The following METTL15 variants were observed in gnomAD, a reference collection of about 807,000 sequenced individuals.
METTL15 encodes the protein 12S rRNA N(4)-cytidine methyltransferase METTL15.
Under a neutral mutation model 38.3 loss-of-function variants are expected in METTL15, and 34 were observed. The ratio of observed to expected loss-of-function variants is 0.89; its 90% CI spans 0.68 to 1.18. The LOEUF is 1.18. Among genes scored for constraint, METTL15 ranks in the 50% most tolerant of loss-of-function variants. The probability of loss-of-function intolerance (pLI) is 0.00; values close to 1 mark genes in which losing one functional copy is unlikely to be tolerated. For missense variants in METTL15, 438 were observed against 498.4 expected (o/e 0.88, Z 1.15); for synonymous variants, 162 against 170.9 (o/e 0.95, Z 0.41).
intron 6 of METTL15, among the ~76,000 whole-genome samples, chr11:28,305,646 A>G (rs1857057752): frequency 1.3e-5 from 2 of 152,120 alleles, no homozygotes; most frequent in African/African-American, 2.4e-5. Context: ...GAGAATGCTG[A>G]CAGCTCAGTC....
At chr11:28,248,777 T>C (rs192087206) in intron 4 of METTL15, among the ~76,000 whole-genome samples, 2 of 152,164 alleles carry the variant, frequency 1.3e-5, no homozygotes, top group Admixed American at 1.3e-4. Context: ...CAATAAACTT[T>C]TGTGATAGGT....
In METTL15 at chr11:28,424,338, C is replaced by A. The variant is rs142345505; in HGVS notation, c.*398C>A. ...TCGGAAAAAGATCTAAAAGCATCAC[C>A]TTTTGCTTTGTCTGCTGGTGCTTAA... On this transcript the variant is annotated 3_prime_UTR_variant and NMD_transcript_variant, in exon 6 of 8. Coordinates refer to the METTL15 transcript ENST00000532947. 3.0e-3 allele frequency: 464 copies of A among 152,204 alleles called. 5 individuals are homozygous for A. The highest frequency in any genetic ancestry group is 0.011 in the African/African-American group (448 of 41,526). The allele number at this position is 152,204 out of a possible 1,614,324, so 9.4% of individuals were successfully genotyped here.
At chr11:28,379,010 A>G (rs1433158312) in intron 5 of METTL15, among the ~76,000 whole-genome samples, 1 of 151,856 alleles carries the variant, frequency 6.6e-6, no homozygotes, top group African/African-American at 2.4e-5. Flanking sequence ...ATTAGCACAT[A>G]ATTGTTCATA....
intron 3 of METTL15, chr11:28,134,657 G>C (rs532428135): frequency 6.8e-5 from 27 of 398,326 alleles, no homozygotes; most frequent in African/African-American, 5.1e-4. Flanking sequence ...TCAGTTTAAG[G>C]GTCCTGGGAA....
intron 3 of METTL15, among the ~76,000 whole-genome samples, chr11:28,209,568 A>G (rs886780411): frequency 1.3e-5 from 2 of 152,082 alleles, no homozygotes; most frequent in Admixed American, 6.6e-5. Context: ...ATTTGTGTTA[A>G]AAAGCATTGC....
At chr11:28,382,896 T>C (rs1198261321) in intron 5 of METTL15, among the ~76,000 whole-genome samples, 2 of 151,804 alleles carry the variant, frequency 1.3e-5, no homozygotes, top group African/African-American at 4.8e-5. Context: ...TACTTCTCTG[T>C]GGCCCTGGGT....
At chr11:28,425,227 C>T (rs769633259) in intron 6 of METTL15, among the ~76,000 whole-genome samples, 41 of 152,214 alleles carry the variant, frequency 2.7e-4, no homozygotes, top group South Asian at 1.2e-3. Flanking sequence ...ATCTATTCAC[C>T]CATCCATCTA....
chr11:28,410,109 T>G (rs1007020830), intron 5 of METTL15, among the ~76,000 whole-genome samples: 6 of 152,074 alleles, frequency 3.9e-5, no homozygotes, highest in African/African-American at 1.4e-4. Context: ...ATAAAGAGAT[T>G]GAAGAGATAA....
At chr11:28,213,902 G>A (rs898762573) in intron 4 of METTL15, among the ~76,000 whole-genome samples, 3 of 151,902 alleles carry the variant, frequency 2.0e-5, no homozygotes, top group Admixed American at 1.3e-4. Flanking sequence ...TGATCCGCCC[G>A]CCTCGGCCTC....
At chr11:28,469,847 AT>A (rs1291463888) in intron 6 of METTL15, among the ~76,000 whole-genome samples, 1 of 152,124 alleles carries the variant, frequency 6.6e-6, no homozygotes, top group African/African-American at 2.4e-5. Flanking sequence ...GGGATTTTCA[AT>A]TTATATGTAA....
At chr11:28,194,792 A>C (rs540325852) in intron 3 of METTL15, among the ~76,000 whole-genome samples, 1 of 151,726 alleles carries the variant, frequency 6.6e-6, no homozygotes, top group South Asian at 2.1e-4. Flanking sequence ...TGTACCTATC[A>C]CTTGGTGATA....
rs985171061 is a variant in METTL15, at chr11:28,269,932, A to G, written c.408-20274A>G. On this transcript the variant is annotated intron_variant, in intron 4 of 6. Transcript: ENST00000407364. ...GCAGAGGAAAATATTTTAGATTTTT[A>G]TTTAGTAAACTAGTTGTTCTTCAAA... Among the ~76,000 whole-genome samples, 12 of 152,288 alleles carry G rather than the reference A, an allele frequency of 7.9e-5. No individual in the cohort carries two copies. In the East Asian group the frequency reaches 1.7e-3, roughly 22 times the overall value.
At chr11:28,326,081 ACT>A (rs1199806201) in intron 6 of METTL15, among the ~76,000 whole-genome samples, 1 of 152,114 alleles carries the variant, frequency 6.6e-6, no homozygotes, top group African/African-American at 2.4e-5. Context: ...GCCATATTAG[ACT>A]CTGTGGTGAA....
intron 4 of METTL15, among the ~76,000 whole-genome samples, chr11:28,265,882 T>A (rs1855396682): frequency 6.6e-6 from 1 of 152,232 alleles, no homozygotes; most frequent in African/African-American, 2.4e-5. Flanking sequence ...TACATATGTA[T>A]ACATGTGCCA....
chr11:28,180,821 C>T (rs560507396), intron 3 of METTL15, among the ~76,000 whole-genome samples: 1 of 151,806 alleles, frequency 6.6e-6, no homozygotes, highest in East Asian at 1.9e-4. Context: ...GACTGGTAGA[C>T]TCTAGGACTT....
chr11:28,382,823 GAAACTCCGTCTCAAAAAAA>G (rs1342310548), intron 5 of METTL15, among the ~76,000 whole-genome samples: 1 of 149,992 alleles, frequency 6.7e-6, no homozygotes, highest in East Asian at 1.9e-4. Flanking sequence ...CAACAAGAGT[GAAACTCCGTCTCAAAAAAA>G]AAAAAAGAAA....
intron 3 of METTL15, among the ~76,000 whole-genome samples, chr11:28,193,282 G>A (rs749220367): frequency 6.6e-6 from 1 of 151,992 alleles, no homozygotes; most frequent in African/African-American, 2.4e-5. Flanking sequence ...AGTTCTTTTG[G>A]CTCACAGTTC....
rs1175645022 is a variant in METTL15, at chr11:28,208,140, G to A, written c.271-2922G>A. ...TCTGCTCTGATTTTAATTATTTCTTGCCTTCTGCTAACTTTTGAATGTGTT... is the reference window on the plus strand; with the variant it reads ...TCTGCTCTGATTTTAATTATTTCTTACCTTCTGCTAACTTTTGAATGTGTT... On this transcript the variant is annotated intron_variant, in intron 3 of 6. Transcript: ENST00000407364. Among the ~76,000 whole-genome samples the A allele has an allele frequency of 3.3e-5, 5 of 151,906 alleles. No individual in the cohort carries two copies. In the East Asian group the frequency reaches 7.7e-4, roughly 24 times the overall value.
At chr11:28,351,117 AAT>A (rs1850037928) in intron 3 of METTL15, among the ~76,000 whole-genome samples, 1 of 78,326 alleles carries the variant, frequency 1.3e-5, no homozygotes, top group African/African-American at 3.7e-5. Context: ...ATTTAAAAAA[AAT>A]TTTTTTTTTT....
Sources: gnomAD v4.1 joint callset for allele counts (sites outside exome capture counted in the v4.1 genomes callset) on GRCh38, gnomAD v4.1.1 for gene constraint, MANE v1.5 for transcripts, NCBI Gene and HGNC (gene_info 2026-07-23, HGNC 2026-07-21) for gene names.